The following HIF1A variants were observed in gnomAD, a reference collection of about 807,000 sequenced individuals.
HIF1A encodes the protein hypoxia-inducible factor 1-alpha.
HIF1A carries 24 observed loss-of-function variants against 92.7 expected under a neutral mutation model. The observed-to-expected ratio is 0.26, with a 90% CI of 0.19 to 0.36. The LOEUF (loss-of-function observed/expected upper bound fraction) is 0.36. Among genes scored for constraint, HIF1A ranks in the 10% least tolerant of loss-of-function variants. The pLI, the probability that HIF1A is intolerant of heterozygous loss-of-function variation, is 1.00. For missense variants in HIF1A, 799 were observed against 998.5 expected, an observed-to-expected ratio of 0.80 and a Z score of 2.69; for synonymous variants, 319 against 338.7, an observed-to-expected ratio of 0.94 and a Z score of 0.64.
intron 12 of HIF1A, among the ~76,000 whole-genome samples, chr14:61,743,485 C>T (rs1337463757): frequency 6.6e-6 from 1 of 152,132 alleles, no homozygotes; most frequent in Non-Finnish European, 1.5e-5. Context: ...ACTACTACTA[C>T]TACAATGATA....
chr14:61,710,308 C>G (rs578030820), intron 1 of HIF1A, among the ~76,000 whole-genome samples: 8 of 152,290 alleles, frequency 5.3e-5, no homozygotes, highest in African/African-American at 1.9e-4. Context: ...TGGATAACAA[C>G]AAGCAATGTA....
Position 61,721,495 on chromosome 14 carries a change from T to C in HIF1A, c.227-14T>C, listed in dbSNP as rs758219785. The C allele has an allele frequency of 2.9e-5, 47 of 1,604,484 alleles. No homozygotes were observed. In the South Asian group the frequency reaches 4.9e-4, roughly 17 times the overall value. The stretch of plus-strand genomic sequence containing the variant: ...TTTTAACTAATTATTTTCCTCTTCT[T>C]GTGCCCTTTTTAGGTGATTTGGATA... On this transcript the variant is annotated splice_polypyrimidine_tract_variant and intron_variant, in intron 2 of 14. Transcript: ENST00000337138.
intron 1 of HIF1A, among the ~76,000 whole-genome samples, chr14:61,711,663 A>G (rs2044310160): frequency 6.6e-6 from 1 of 152,194 alleles, no homozygotes; most frequent in Admixed American, 6.5e-5. Context: ...TACTTCAGGA[A>G]GATGACACTG....
intron 1 of HIF1A, among the ~76,000 whole-genome samples, 172 bp downstream of exon 1, chr14:61,696,011 C>A (rs1034609415): frequency 1.3e-5 from 2 of 152,206 alleles, no homozygotes; most frequent in African/African-American, 4.8e-5. Context: ...CGGGCTCCCC[C>A]GCTGTCCACG....
intron 9 of HIF1A, 50 bp from the exon 10 acceptor site, chr14:61,738,037 A>G: frequency 6.7e-7 from 1 of 1,482,154 alleles, no homozygotes; most frequent in South Asian, 1.4e-5. Context: ...GGGTAAAAAA[A>G]AAAAAAAATC....
At chr14:61,724,102 GGTTTGTTTTTGTTT>G (rs1246313823) in intron 4 of HIF1A, among the ~76,000 whole-genome samples, 1 of 150,724 alleles carries the variant, frequency 6.6e-6, no homozygotes, top group East Asian at 1.9e-4. Flanking sequence ...TTTTTTTAAT[GGTTTGTTTTTGTTT>G]GTTTGTTTTT....
chr14:61,715,534 G>C (rs539144285), intron 1 of HIF1A: 1 of 152,316 alleles, frequency 6.6e-6, no homozygotes, highest in Admixed American at 6.5e-5. Flanking sequence ...CAGACTGCTT[G>C]AGTGAAATAC....
intron 1 of HIF1A, among the ~76,000 whole-genome samples, chr14:61,710,066 CAT>C (rs1387306338): frequency 6.6e-6 from 1 of 152,074 alleles, no homozygotes; most frequent in African/African-American, 2.4e-5. Flanking sequence ...TGTATAGCTA[CAT>C]ATGTTTATAT....
rs2044697297 is a variant in HIF1A, at chr14:61,740,570, A to G, written c.1602A>G (p.Glu534=). 6.2e-7 allele frequency: 1 copy of G among 1,608,514 alleles called. No homozygotes were observed. The highest frequency in any genetic ancestry group is 1.3e-5 in the African/African-American group (1 of 74,758). The change falls in exon 11 of 15, where the codon GAA becomes GAG. Residue 534 remains glutamate (E), a synonymous_variant. Coordinates refer to ENST00000337138, the MANE Select transcript of HIF1A (RefSeq NM_001530.4). ...ATATGGTCAATGAATTCAAGTTGGA[A>G]TTGGTAGAAAAACTTTTTGCTGAAG... ...DSDMVNEFKL[E]LVEKLFAEDT...
chr14:61,695,844 G>C lies in HIF1A; in HGVS notation c.35+5G>C. ...CGGCGCGAACGACAAGAAAAAGTAA[G>C]CCCATTCCCTCGGCCCGCCGCCTTC... On this transcript the variant is annotated splice_donor_5th_base_variant and intron_variant, in intron 1 of 14. Transcript: ENST00000337138. 1 of 1,582,624 alleles carries C rather than the reference G, an allele frequency of 6.3e-7. No individual in the cohort carries two copies. Among genetic ancestry groups the C allele is most frequent in the Non-Finnish European group, 8.6e-7 (1 of 1,165,428 alleles).
rs137911321 is a variant in HIF1A at position 61,727,430 on chromosome 14, A to T, written c.571-23A>T. ...CCTAGCATTGTAAATATTTTTTTTA[A>T]CTGCTTTGTTCTTCATACACAGGTA... On this transcript the variant is annotated intron_variant, in intron 5 of 14. Transcript: ENST00000337138. The T allele has an allele frequency of 9.7e-5, 151 of 1,560,008 alleles. 1 individual carries two copies. The African/African-American group carries it at 1.9e-3, about 19-fold the overall frequency.
chr14:61,701,588 G>A (rs1489406732), intron 1 of HIF1A, among the ~76,000 whole-genome samples: 1 of 152,070 alleles, frequency 6.6e-6, no homozygotes, highest in Non-Finnish European at 1.5e-5. Context: ...TAAGAGTCTT[G>A]TAAATTCAGA....
intron 1 of HIF1A, among the ~76,000 whole-genome samples, chr14:61,699,959 G>A (rs575982672): frequency 1.1e-4 from 16 of 152,084 alleles, no homozygotes; most frequent in South Asian, 4.2e-4. Context: ...TTGTATATGC[G>A]TTGAGTATTA....
At chr14:61,698,087 T>C (rs2044136749) in intron 1 of HIF1A, 3 of 465,550 alleles carry the variant, frequency 6.4e-6, no homozygotes, top group East Asian at 7.1e-5. Flanking sequence ...GTAATGATTC[T>C]GTTTCAGGCT....
intron 1 of HIF1A, among the ~76,000 whole-genome samples, chr14:61,702,134 A>G (rs1388543005): frequency 4.0e-5 from 6 of 151,738 alleles, no homozygotes. Flanking sequence ...AGGTTTCTTT[A>G]GAAATATTGT....
intron 1 of HIF1A, among the ~76,000 whole-genome samples, chr14:61,703,547 A>G (rs528019830): frequency 6.6e-6 from 1 of 152,146 alleles, no homozygotes; most frequent in African/African-American, 2.4e-5. Flanking sequence ...TTACTCTGCC[A>G]CTGACAGGCT....
At chr14:61,717,242 C>T (rs972909838) in intron 1 of HIF1A, among the ~76,000 whole-genome samples, 1 of 152,090 alleles carries the variant, frequency 6.6e-6, no homozygotes, top group African/African-American at 2.4e-5. Context: ...TAAAATTAGC[C>T]TTCCTGTGAC....
At chr14:61,729,543 T>C (rs906968193) in intron 6 of HIF1A, among the ~76,000 whole-genome samples, 6 of 151,928 alleles carry the variant, frequency 3.9e-5, no homozygotes, top group African/African-American at 1.4e-4. Context: ...CTAGTACAGA[T>C]AGTGAATGCT....
At chr14:61,731,798 C>A (rs1274895566) in intron 6 of HIF1A, among the ~76,000 whole-genome samples, 2 of 152,152 alleles carry the variant, frequency 1.3e-5, no homozygotes, top group East Asian at 3.9e-4. Flanking sequence ...TTATTAATAC[C>A]CTGCCTTGTT....
Sources: allele counts gnomAD v4.1 joint callset (sites outside exome capture counted in the v4.1 genomes callset), GRCh38; gene constraint gnomAD v4.1.1; transcripts MANE v1.5; gene names NCBI Gene and HGNC (gene_info 2026-07-23, HGNC 2026-07-21).